Variants in LRRC2 observed in about 807,000 individuals in gnomAD.
The protein encoded by LRRC2 is leucine rich repeat containing 2.
LRRC2 carries 27 observed loss-of-function variants against 40.2 expected under a neutral mutation model. The ratio of observed to expected loss-of-function variants is 0.67; its 90% CI spans 0.49 to 0.93. The LOEUF (loss-of-function observed/expected upper bound fraction) is 0.93, where lower values mean the gene tolerates loss of function less well. LRRC2 is among the 40% of genes least tolerant of loss of function. The pLI, the probability that LRRC2 is intolerant of heterozygous loss-of-function variation, is 0.00. For missense variants in LRRC2, 402 were observed against 439.6 expected, an observed-to-expected ratio of 0.91 and a Z score of 0.76; for synonymous variants, 147 against 158.9, an observed-to-expected ratio of 0.92 and a Z score of 0.56.
chr3:46,558,628 C>T (rs1427868592), intron 1 of LRRC2: 2 of 152,258 alleles, frequency 1.3e-5, no homozygotes, highest in Non-Finnish European at 2.9e-5. Flanking sequence ...CCAAATTCCT[C>T]CCTCTCTGTG....
At chr3:46,528,291 CA>C (rs1575346215) in intron 6 of LRRC2, among the ~76,000 whole-genome samples, 1 of 88,032 alleles carries the variant, frequency 1.1e-5, no homozygotes, top group Non-Finnish European at 2.2e-5. Flanking sequence ...TCCTTTGGTA[CA>C]CTTTTTTTTT....
At chr3:46,561,332 A>G (rs1704936474) in intron 1 of LRRC2, among the ~76,000 whole-genome samples, 1 of 152,168 alleles carries the variant, frequency 6.6e-6, no homozygotes, top group Non-Finnish European at 1.5e-5. Context: ...TAAGCTCAGG[A>G]GTTTGAGAGC....
intron 3 of LRRC2, among the ~76,000 whole-genome samples, chr3:46,544,491 A>G (rs1444751069): frequency 1.3e-5 from 2 of 152,228 alleles, no homozygotes; most frequent in Non-Finnish European, 2.9e-5. Flanking sequence ...AAAACAAAAA[A>G]GACACAAAAT....
chr3:46,553,682 C>A (rs575121644), intron 1 of LRRC2, among the ~76,000 whole-genome samples: 1 of 152,176 alleles, frequency 6.6e-6, no homozygotes, highest in South Asian at 2.1e-4. Context: ...GAAGCGGGGC[C>A]TCGCTATGTT....
chr3:46,526,805 G>C (rs564306082), intron 7 of LRRC2, among the ~76,000 whole-genome samples: 18 of 152,236 alleles, frequency 1.2e-4, no homozygotes, highest in African/African-American at 4.3e-4. Flanking sequence ...GAGCAGCCTC[G>C]TGTGAATAAT....
In LRRC2 at chr3:46,518,255, C is replaced by G. The variant is rs1703899511; in HGVS notation, c.*759G>C. 6.6e-6 allele frequency: 1 copy of G among 152,130 alleles called. No homozygotes were observed. Among genetic ancestry groups the G allele is most frequent in the African/African-American group, 2.4e-5 (1 of 41,426 alleles). The allele number at this position is 152,130 out of a possible 1,614,324, so 9.4% of individuals were successfully genotyped here. A position where few individuals can be genotyped will look rare whatever the true frequency, so the allele number is the denominator to read the frequency against. On this transcript the variant is annotated 3_prime_UTR_variant, in exon 9 of 9. Coordinates refer to ENST00000395905, the MANE Select transcript of LRRC2 (RefSeq NM_024512.5). ...ATGGAAATAGCAGTTTATATAAACT[C>G]AAGGAAGATTATTCTCAGTAAAAGA... is the stretch of plus-strand genomic sequence containing the variant.
rs1575341326 is a variant in LRRC2, at chr3:46,518,228, A to G, written c.*786T>C. The G allele has an allele frequency of 1.3e-5, 2 of 152,274 alleles. No individual in the cohort carries two copies. The highest frequency in any genetic ancestry group is 3.8e-4 in the East Asian group (2 of 5,204). 9.4% of individuals were successfully genotyped at this position (152,274 alleles called of 1,614,324 possible). A position where few individuals can be genotyped will look rare whatever the true frequency, so the allele number is the denominator to read the frequency against. On this transcript the variant is annotated 3_prime_UTR_variant, in exon 9 of 9. Transcript: ENST00000395905. ...CACTTGCCAAAATATAACTTAAAAC[A>G]TATGGAAATAGCAGTTTATATAAAC...
chr3:46,527,405 T>C, intron 7 of LRRC2, 21 bp downstream of exon 7: 1 of 1,613,568 alleles, frequency 6.2e-7, no homozygotes, highest in Non-Finnish European at 8.5e-7. Context: ...GTGTGTCTAC[T>C]GGGATTTCCG....
intron 4 of LRRC2, 149 bp downstream of exon 4, chr3:46,538,896 A>T: frequency 1.4e-6 from 1 of 711,928 alleles, no homozygotes; most frequent in South Asian, 2.2e-5. Flanking sequence ...GCAAACAAGC[A>T]GCTCTGGGGA....
At chr3:46,554,924 T>C (rs1449449050) in intron 1 of LRRC2, among the ~76,000 whole-genome samples, 1 of 152,198 alleles carries the variant, frequency 6.6e-6, no homozygotes, top group African/African-American at 2.4e-5. Flanking sequence ...GTCTTTTTTA[T>C]TATAGCCATC....
Position 46,526,675 on chromosome 3 carries a change from A to AT in LRRC2, c.929+750_929+751insA, listed in dbSNP as rs771968284. On this transcript the variant is annotated intron_variant, in intron 7 of 8. Transcript: ENST00000395905. ...ACAAGATTGAACTCTGCTGATAGTA[A>AT]GCACTTACCACTGAAGAACTAGGAG... Among the ~76,000 whole-genome samples, 7 of 152,260 alleles carry AT rather than the reference A, an allele frequency of 4.6e-5. No individual in the cohort carries two copies. In the East Asian group the frequency reaches 1.2e-3, roughly 25 times the overall value.
At chr3:46,530,109 C>G (rs959613409) in intron 5 of LRRC2, 59 bp from the exon 6 acceptor site, 114 of 1,379,758 alleles carry the variant, frequency 8.3e-5, no homozygotes, top group Non-Finnish European at 1.0e-4. Flanking sequence ...TTAAGTTCAA[C>G]TAATAATTTT....
At chr3:46,544,430 C>T (rs1704480755) in intron 3 of LRRC2, among the ~76,000 whole-genome samples, 1 of 152,136 alleles carries the variant, frequency 6.6e-6, no homozygotes, top group South Asian at 2.1e-4. Context: ...GAGATCTCGC[C>T]ACTGCACTCC....
chr3:46,528,212 G>A (rs1286887025), intron 6 of LRRC2, among the ~76,000 whole-genome samples: 1 of 152,008 alleles, frequency 6.6e-6, no homozygotes, highest in Non-Finnish European at 1.5e-5. Context: ...ATTTACAAGG[G>A]TTAACAGAGC....
At chr3:46,530,202 G>A in intron 5 of LRRC2, 152 bp from the exon 6 acceptor site, 1 of 654,834 alleles carries the variant, frequency 1.5e-6, no homozygotes, top group Admixed American at 2.6e-5. Context: ...AAGCACCTCA[G>A]ATGTGTCATT....
Position 46,546,993 on chromosome 3 carries a change from A to G in LRRC2, c.126-1740T>C, listed in dbSNP as rs117638867. Among the ~76,000 whole-genome samples, 3 of 152,212 alleles carry G rather than the reference A, an allele frequency of 2.0e-5. No homozygotes were observed. The East Asian group carries it at 5.8e-4, about 29-fold the overall frequency. ...AAAGGAAAACATATTCATGGATCCC[A>G]TTGTAATCACCTCCTGGCATCCATC... On this transcript the variant is annotated intron_variant, in intron 2 of 8. Coordinates refer to ENST00000395905, the MANE Select transcript of LRRC2 (RefSeq NM_024512.5).
intron 4 of LRRC2, among the ~76,000 whole-genome samples, chr3:46,537,298 C>T (rs1704288096): frequency 6.6e-6 from 1 of 152,120 alleles, no homozygotes; most frequent in Non-Finnish European, 1.5e-5. Flanking sequence ...TGGGGTTTTG[C>T]CATGTTGCCC....
At chr3:46,560,298 A>T (rs147452759) in intron 1 of LRRC2, among the ~76,000 whole-genome samples, 1 of 152,220 alleles carries the variant, frequency 6.6e-6, no homozygotes, top group Non-Finnish European at 1.5e-5. Context: ...TCAGGGACAG[A>T]CACAGGTGCC....
At position 46,518,727 on chromosome 3, in the gene LRRC2, C is replaced by T. The variant is rs987539697; in HGVS notation, c.*287G>A. 3.5e-6 allele frequency: 1 copy of T among 286,810 alleles called. No individual in the cohort carries two copies. Among genetic ancestry groups the T allele is most frequent in the Non-Finnish European group, 6.4e-6 (1 of 156,864 alleles). The allele number at this position is 286,810 out of a possible 1,614,324, so 17.8% of individuals were successfully genotyped here. A position where few individuals can be genotyped will look rare whatever the true frequency, so the allele number is the denominator to read the frequency against. On this transcript the variant is annotated 3_prime_UTR_variant, in exon 9 of 9. Coordinates refer to ENST00000395905, the MANE Select transcript of LRRC2 (RefSeq NM_024512.5). ...AGTATTTGGTCTTTTAGTTATAATT[C>T]TTAAAAATAAGACATTTTAAAACAT...
Sources: allele counts gnomAD v4.1 joint callset (sites outside exome capture counted in the v4.1 genomes callset), GRCh38; gene constraint gnomAD v4.1.1; transcripts MANE v1.5; gene names NCBI Gene and HGNC (gene_info 2026-07-23, HGNC 2026-07-21).